EPHA3: variants seen among roughly 807,000 people sequenced by gnomAD.
EPHA3 encodes ephrin type-A receptor 3.
A neutral mutation model predicts 107.1 loss-of-function variants in EPHA3; 42 were observed. The observed-to-expected ratio is 0.39, with a 90% CI of 0.31 to 0.51. The LOEUF is 0.51. Ranked by LOEUF, EPHA3 falls within the 20% of genes least tolerant of loss-of-function variation. The pLI, the probability that EPHA3 is intolerant of heterozygous loss-of-function variation, is 0.78. For synonymous variants in EPHA3, 461 were observed against 424.8 expected, an observed-to-expected ratio of 1.09 and a Z score of -1.05; for missense variants, 1,183 against 1,211.2, an observed-to-expected ratio of 0.98 and a Z score of 0.35.
At chr3:89,272,779 C>T (rs529624909) in intron 3 of EPHA3, among the ~76,000 whole-genome samples, 44 of 151,960 alleles carry the variant, frequency 2.9e-4, no homozygotes, top group African/African-American at 9.9e-4. Context: ...CTATGGAACA[C>T]ATGGAAAGTT....
chr3:89,132,787 G>A (rs1704233412), intron 2 of EPHA3, among the ~76,000 whole-genome samples: 1 of 152,172 alleles, frequency 6.6e-6, no homozygotes, highest in African/African-American at 2.4e-5. Context: ...CTACTCAGGG[G>A]GCTGAGGTGG....
intron 3 of EPHA3, among the ~76,000 whole-genome samples, chr3:89,307,439 C>T (rs1706650382): frequency 1.3e-5 from 2 of 152,112 alleles, no homozygotes; most frequent in Non-Finnish European, 2.9e-5. Context: ...CAGCTGGTAG[C>T]ATTATTCAAC....
chr3:89,459,092 C>T (rs574661464), intron 15 of EPHA3, among the ~76,000 whole-genome samples: 1 of 152,060 alleles, frequency 6.6e-6, no homozygotes, highest in African/African-American at 2.4e-5. Context: ...GAGCTTAAAA[C>T]CTAGATGATG....
intron 2 of EPHA3, among the ~76,000 whole-genome samples, chr3:89,151,258 C>T (rs1325023274): frequency 6.6e-6 from 1 of 152,022 alleles, no homozygotes; most frequent in Non-Finnish European, 1.5e-5. Context: ...TTTATTCAGA[C>T]ATTCAGAGAA....
chr3:89,334,012 G>T (rs1200429297), intron 3 of EPHA3, among the ~76,000 whole-genome samples: 3 of 152,072 alleles, frequency 2.0e-5, no homozygotes, highest in Non-Finnish European at 4.4e-5. Context: ...TTTAAAATTA[G>T]AAATAATTTT....
At chr3:89,315,966 A>G (rs1447241902) in intron 3 of EPHA3, among the ~76,000 whole-genome samples, 1 of 151,846 alleles carries the variant, frequency 6.6e-6, no homozygotes, top group East Asian at 1.9e-4. Flanking sequence ...GGTGACCCAC[A>G]TGTAGAGTCA....
chr3:89,134,341 A>G (rs1054664245), intron 2 of EPHA3, among the ~76,000 whole-genome samples: 6 of 151,940 alleles, frequency 3.9e-5, no homozygotes, highest in East Asian at 1.9e-4. Flanking sequence ...TACATTAGGT[A>G]TATCTCCTAA....
chr3:89,289,130 A>G (rs1234071499), intron 3 of EPHA3, among the ~76,000 whole-genome samples: 1 of 152,124 alleles, frequency 6.6e-6, no homozygotes, highest in African/African-American at 2.4e-5. Context: ...CAACAGAGAG[A>G]TAAGTGGGCA....
intron 5 of EPHA3, among the ~76,000 whole-genome samples, chr3:89,356,753 T>C (rs1707966507): frequency 6.6e-6 from 1 of 150,892 alleles, no homozygotes; most frequent in South Asian, 2.1e-4. Flanking sequence ...AAATGACTGA[T>C]TGAAAGTTAT....
rs1704112141 is a variant in EPHA3, at chr3:89,127,120, C to A, written c.89-89C>A. The A allele has an allele frequency of 4.1e-6, 4 of 978,794 alleles. No individual in the cohort carries two copies. The Admixed American group carries it at 5.8e-5, about 14-fold the overall frequency. The allele number at this position is 978,794 out of a possible 1,614,324, so 60.6% of individuals were successfully genotyped here. On this transcript the variant is annotated intron_variant, in intron 1 of 16. Coordinates refer to ENST00000336596, the MANE Select transcript of EPHA3 (RefSeq NM_005233.6). ...AGGAAGAGTTATGTTTTTTGAGCAA[C>A]ATCAACAACAGACAATGTGAACTCA...
chr3:89,356,036 A>C (rs1318128209), intron 5 of EPHA3, among the ~76,000 whole-genome samples: 8 of 119,156 alleles, frequency 6.7e-5, no homozygotes, highest in African/African-American at 2.2e-4. Flanking sequence ...TCCTGTGTCC[A>C]TGTGTTCTCA....
intron 16 of EPHA3, among the ~76,000 whole-genome samples, chr3:89,474,357 G>A (rs1710465277): frequency 1.3e-5 from 2 of 152,150 alleles, no homozygotes; most frequent in African/African-American, 2.4e-5. Flanking sequence ...TGACCCAATC[G>A]ACAGTACACT....
chr3:89,211,631 A>G (rs1704082739), intron 3 of EPHA3, among the ~76,000 whole-genome samples: 1 of 151,762 alleles, frequency 6.6e-6, no homozygotes, highest in Non-Finnish European at 1.5e-5. Flanking sequence ...GACTGTAGAC[A>G]TGGTTCACAG....
intron 2 of EPHA3, among the ~76,000 whole-genome samples, chr3:89,169,770 G>A (rs1197043255): frequency 2.6e-5 from 4 of 152,058 alleles, no homozygotes; most frequent in Non-Finnish European, 4.4e-5. Flanking sequence ...CATTTCTTCA[G>A]TTTTACTGGG....
chr3:89,122,058 C>A (rs982778064), intron 1 of EPHA3, among the ~76,000 whole-genome samples: 2 of 152,152 alleles, frequency 1.3e-5, no homozygotes, highest in Admixed American at 1.3e-4. Flanking sequence ...AAGTTTATTT[C>A]TTTCTGTATC....
At chr3:89,196,854 T>C (rs1454087104) in intron 2 of EPHA3, among the ~76,000 whole-genome samples, 1 of 152,128 alleles carries the variant, frequency 6.6e-6, no homozygotes, top group African/African-American at 2.4e-5. Context: ...CCACATCAAA[T>C]CTATAAAATC....
chr3:89,418,439 T>G (rs1398041999), intron 10 of EPHA3, among the ~76,000 whole-genome samples: 1 of 151,386 alleles, frequency 6.6e-6, no homozygotes, highest in Non-Finnish European at 1.5e-5. Context: ...AAATGTATTT[T>G]GAAGGTAGTG....
intron 2 of EPHA3, among the ~76,000 whole-genome samples, chr3:89,180,114 C>T (rs1236083972): frequency 6.6e-6 from 1 of 152,000 alleles, no homozygotes; most frequent in Non-Finnish European, 1.5e-5. Flanking sequence ...TGTTTTTCTA[C>T]AACAGCATAA....
At chr3:89,296,189 C>A (rs1268236023) in intron 3 of EPHA3, among the ~76,000 whole-genome samples, 3 of 152,182 alleles carry the variant, frequency 2.0e-5, no homozygotes, top group Non-Finnish European at 1.5e-5. Context: ...GACATCTTCT[C>A]CTGAATCACA....
Sources: allele counts gnomAD v4.1 joint callset (sites outside exome capture counted in the v4.1 genomes callset), GRCh38; gene constraint gnomAD v4.1.1; transcripts MANE v1.5; gene names NCBI Gene and HGNC (gene_info 2026-07-23, HGNC 2026-07-21).